Variants in LRRC4C observed in about 807,000 individuals in gnomAD.
LRRC4C encodes the protein leucine rich repeat containing 4C.
LRRC4C carries 5 observed loss-of-function variants against 33.6 expected under a neutral mutation model. That is an observed-to-expected ratio of 0.15 (90% confidence interval 0.08 to 0.31). The LOEUF is 0.31. LRRC4C is among the 10% of genes least tolerant of loss of function. LRRC4C has a pLI of 1.00. For missense variants in LRRC4C, 560 were observed against 796.7 expected (o/e 0.70, Z 3.58); for synonymous variants, 329 against 302.0 (o/e 1.09, Z -0.93).
chr11:40,161,700 T>A (rs1339771824), intron 5 of LRRC4C, among the ~76,000 whole-genome samples: 1 of 151,966 alleles, frequency 6.6e-6, no homozygotes, highest in East Asian at 1.9e-4. Flanking sequence ...GGTTGCACAG[T>A]GAGCCGAGAT....
rs117506334 is a variant in LRRC4C at position 40,926,770 on chromosome 11, C to A, written c.-407+6865G>T. Among the ~76,000 whole-genome samples the A allele has an allele frequency of 3.3e-3, 506 of 151,804 alleles. 3 individuals are homozygous for A. Among genetic ancestry groups the A allele is most frequent in the Middle Eastern group, 0.01 (3 of 292 alleles). ...TAGAAGTCTACACAGAAATACTATG[C>A]AAACCTTAAAAGTTAAAAAAAAATT... is the stretch of plus-strand genomic sequence containing the variant. On this transcript the variant is annotated intron_variant, in intron 2 of 6. Coordinates refer to ENST00000528697, the MANE Select transcript of LRRC4C (RefSeq NM_001258419.2).
chr11:40,714,346 A>G (rs1195162126), intron 2 of LRRC4C, among the ~76,000 whole-genome samples: 1 of 152,184 alleles, frequency 6.6e-6, no homozygotes, highest in African/African-American at 2.4e-5. Context: ...ATAAATATCT[A>G]CTACAAATTT....
chr11:40,831,332 C>A (rs1309926344), intron 2 of LRRC4C, among the ~76,000 whole-genome samples: 1 of 151,992 alleles, frequency 6.6e-6, no homozygotes, highest in Non-Finnish European at 1.5e-5. Flanking sequence ...ATAAAATAAT[C>A]CTTTAGTAGT....
At chr11:40,505,467 C>G (rs1954987544) in intron 3 of LRRC4C, among the ~76,000 whole-genome samples, 1 of 152,130 alleles carries the variant, frequency 6.6e-6, no homozygotes, top group Non-Finnish European at 1.5e-5. Flanking sequence ...AAACCTCTTG[C>G]TGGGTTATGG....
chr11:41,054,808 T>C (rs1438317153), intron 1 of LRRC4C, among the ~76,000 whole-genome samples: 1 of 152,148 alleles, frequency 6.6e-6, no homozygotes, highest in Admixed American at 6.5e-5. Context: ...AAAGCAGATA[T>C]GAGAAATATC....
intron 3 of LRRC4C, among the ~76,000 whole-genome samples, chr11:40,428,606 T>A (rs1374503096): frequency 6.6e-6 from 1 of 152,212 alleles, no homozygotes; most frequent in Non-Finnish European, 1.5e-5. Flanking sequence ...ACATATCTCT[T>A]GCTACTGTAG....
intron 2 of LRRC4C, among the ~76,000 whole-genome samples, chr11:40,733,354 C>A (rs559812131): frequency 6.6e-6 from 1 of 151,932 alleles, no homozygotes; most frequent in Non-Finnish European, 1.5e-5. Context: ...GGATTGCAGG[C>A]GTGAGCCACG....
chr11:40,824,268 C>A (rs1952064452), intron 2 of LRRC4C, among the ~76,000 whole-genome samples: 1 of 151,666 alleles, frequency 6.6e-6, no homozygotes, highest in African/African-American at 2.4e-5. Flanking sequence ...TTATACATTT[C>A]TAATTTGTGA....
rs545529762 is a variant in LRRC4C, at chr11:41,337,306, A to G, written c.-496+122125T>C. Among the ~76,000 whole-genome samples the G allele has an allele frequency of 2.0e-5, 3 of 152,290 alleles. No individual in the cohort carries two copies. In the East Asian group the frequency reaches 5.8e-4, roughly 29 times the overall value. On this transcript the variant is annotated intron_variant, in intron 1 of 6. Coordinates refer to ENST00000528697, the MANE Select transcript of LRRC4C (RefSeq NM_001258419.2). The stretch of plus-strand genomic sequence containing the variant: ...AGGAATACTCCTGCCCTGACCTCTC[A>G]TAGTGTTGAGATTACAGGTGTAAGC...
At chr11:41,013,549 C>A (rs10837545) in intron 1 of LRRC4C, among the ~76,000 whole-genome samples, 108,130 of 152,002 alleles carry the variant, frequency 0.71, 38,838 homozygotes, top group South Asian at 0.79. Flanking sequence ...TGAATTTTTA[C>A]TAAATATTGT....
At chr11:40,668,655 AG>A (rs1943936686) in intron 2 of LRRC4C, among the ~76,000 whole-genome samples, 1 of 152,226 alleles carries the variant, frequency 6.6e-6, no homozygotes, top group African/African-American at 2.4e-5. Flanking sequence ...CTATAATGAG[AG>A]AGGAAAATGT....
At chr11:40,224,200 T>A (rs1590753820) in intron 5 of LRRC4C, among the ~76,000 whole-genome samples, 1 of 152,222 alleles carries the variant, frequency 6.6e-6, no homozygotes, top group South Asian at 2.1e-4. Context: ...ATAGAGGCTG[T>A]CAAATACTCA....
In LRRC4C at chr11:40,753,069, T is replaced by A. The variant is rs183318946; in HGVS notation, c.-406-104791A>T. 1.4e-3 allele frequency among the ~76,000 whole-genome samples: 208 copies of A among 152,170 alleles called. 2 individuals are homozygous for A. Among genetic ancestry groups the A allele is most frequent in the African/African-American group, 4.9e-3 (203 of 41,550 alleles). On this transcript the variant is annotated intron_variant, in intron 2 of 6. Coordinates refer to ENST00000528697, the MANE Select transcript of LRRC4C (RefSeq NM_001258419.2). ...TCATTCTTAATTTTATTTTATTTTA[T>A]TTTATTTTTTTGAGACGGAGTTGTT... is the stretch of plus-strand genomic sequence containing the variant.
At chr11:40,684,748 T>C (rs1163834682) in intron 2 of LRRC4C, among the ~76,000 whole-genome samples, 1 of 152,038 alleles carries the variant, frequency 6.6e-6, no homozygotes, top group Admixed American at 6.6e-5. Flanking sequence ...ATATATTACA[T>C]GCAAATGAGG....
intron 2 of LRRC4C, among the ~76,000 whole-genome samples, chr11:40,925,100 C>A (rs560067616): frequency 2.0e-5 from 3 of 151,416 alleles, no homozygotes; most frequent in Admixed American, 6.6e-5. Context: ...TAGTGACCAG[C>A]GGGAGGAGCC....
At chr11:40,292,063 T>C (rs1360993092) in intron 4 of LRRC4C, 1 of 151,488 alleles carries the variant, frequency 6.6e-6, no homozygotes, top group Admixed American at 6.6e-5. Flanking sequence ...CCCATTCCCT[T>C]ATTTTCTGGC....
chr11:41,370,833 G>C (rs140407608), intron 1 of LRRC4C, among the ~76,000 whole-genome samples: 1 of 152,048 alleles, frequency 6.6e-6, no homozygotes, highest in Admixed American at 6.6e-5. Flanking sequence ...GAGCTACCAC[G>C]CTTGGCCCAC....
At chr11:40,502,223 AATTTTCCCAC>A (rs1954812123) in intron 3 of LRRC4C, among the ~76,000 whole-genome samples, 1 of 152,156 alleles carries the variant, frequency 6.6e-6, no homozygotes, top group South Asian at 2.1e-4. Context: ...GGAAGTTCCA[AATTTTCCCAC>A]ATTTTCCTGT....
At chr11:40,226,564 A>G (rs117103525) in intron 5 of LRRC4C, among the ~76,000 whole-genome samples, 3,924 of 152,292 alleles carry the variant, frequency 0.026, 74 homozygotes, top group Middle Eastern at 0.041. Flanking sequence ...CTTATGCTTG[A>G]AAGTGGTCTG....
Sources: gnomAD v4.1 joint callset for allele counts (sites outside exome capture counted in the v4.1 genomes callset) on GRCh38, gnomAD v4.1.1 for gene constraint, MANE v1.5 for transcripts, NCBI Gene and HGNC (gene_info 2026-07-23, HGNC 2026-07-21) for gene names.